Variants in ARL13A observed in about 807,000 individuals in gnomAD.
ARL13A encodes ARF like GTPase 13A, also known as ADP-ribosylation factor-like protein 13A.
Under a neutral mutation model 19.1 loss-of-function variants are expected in ARL13A, and 16 were observed. The ratio of observed to expected loss-of-function variants is 0.84; its 90% CI spans 0.57 to 1.27. The LOEUF (loss-of-function observed/expected upper bound fraction) is 1.27. Ranked by LOEUF, ARL13A falls within the 50% of genes most tolerant of loss-of-function variation. The pLI, the probability that ARL13A is intolerant of heterozygous loss-of-function variation, is 0.00. For synonymous variants in ARL13A, 69 were observed against 71.3 expected, an observed-to-expected ratio of 0.97 and a Z score of 0.17; for missense variants, 153 against 186.4, an observed-to-expected ratio of 0.82 and a Z score of 1.04.
intron 5 of ARL13A, 122 bp downstream of exon 5, chrX:100,987,023 C>T: frequency 2.3e-6 from 1 of 440,958 alleles, no homozygotes; most frequent in Non-Finnish European, 3.9e-6. Context: ...CAGGCAACAC[C>T]CACAGTGATT....
chrX:100,986,011 G>A, intron 4 of ARL13A, 95 bp downstream of exon 4: 2 of 1,024,869 alleles, frequency 2.0e-6, no homozygotes, highest in Non-Finnish European at 2.6e-6. Context: ...GTCACACCCA[G>A]CTAGGCCTCC....
Position 100,985,701 on chromosome X carries a change from G to A in ARL13A, c.165G>A (p.Ser55=), listed in dbSNP as rs758563253. 36 of 1,208,293 alleles carry A rather than the reference G, an allele frequency of 3.0e-5. No homozygotes were observed. The highest frequency in any genetic ancestry group is 7.0e-5 in the African/African-American group (4 of 56,865). Residue 55 remains serine (S), a synonymous_variant, in exon 4 of 8, where the codon TCG becomes TCA. Coordinates refer to ENST00000450049, the MANE Select transcript of ARL13A (RefSeq NM_001162491.2). ...GTAAGACAGACCATTGCATGAAATC[G>A]GAACTGACTACACTTTTGTTAGATG... is the stretch of plus-strand genomic sequence containing the variant. ...LPSKTDHCMK[S]ELTTLLLDEY...
At chrX:100,987,091 G>A (rs888726573) in intron 5 of ARL13A, among the ~76,000 whole-genome samples, 190 bp downstream of exon 5, 13 of 111,483 alleles carry the variant, frequency 1.2e-4, no homozygotes, top group African/African-American at 4.2e-4. Context: ...TTCTGTAAAG[G>A]GGACACATGA....
chrX:100,990,355 CAG>C, intron 7 of ARL13A: 1 of 926,704 alleles, frequency 1.1e-6, no homozygotes, highest in Non-Finnish European at 1.3e-6. Flanking sequence ...AAGAAAGTAA[CAG>C]AGAAAGTAAA....
chrX:100,985,626 C>T (rs1318286847), intron 3 of ARL13A, 41 bp from the exon 4 acceptor site: 6 of 1,176,294 alleles, frequency 5.1e-6, no homozygotes, highest in South Asian at 2.0e-5. Context: ...TATGGAGTTT[C>T]GATCTAAGTG....
intron 3 of ARL13A, among the ~76,000 whole-genome samples, chrX:100,975,947 T>C (rs1159745898): frequency 9.0e-6 from 1 of 111,405 alleles, no homozygotes; most frequent in South Asian, 3.8e-4. Flanking sequence ...TGTTGCCATT[T>C]TCTATAACAA....
At chrX:100,979,437 TTAAGTA>T (rs1193131404) in intron 3 of ARL13A, among the ~76,000 whole-genome samples, 1 of 112,125 alleles carries the variant, frequency 8.9e-6, no homozygotes, top group Admixed American at 9.5e-5. Flanking sequence ...TTGATATACT[TTAAGTA>T]TATCATGCCA....
intron 7 of ARL13A, chrX:100,990,341 G>A: frequency 3.2e-6 from 3 of 923,679 alleles, no homozygotes; most frequent in Non-Finnish European, 4.0e-6. Context: ...AACAGAGAAA[G>A]TAAAAGAAAG....
At chrX:100,976,709 T>G (rs1214564119) in intron 3 of ARL13A, among the ~76,000 whole-genome samples, 2 of 112,450 alleles carry the variant, frequency 1.8e-5, no homozygotes, top group African/African-American at 6.5e-5. Flanking sequence ...GCCTCCTGGA[T>G]TCAACCGATT....
chrX:100,983,626 G>T (rs1458628955), intron 3 of ARL13A, among the ~76,000 whole-genome samples: 1 of 111,448 alleles, frequency 9.0e-6, no homozygotes, highest in African/African-American at 3.3e-5. Flanking sequence ...CAAAGTGCTG[G>T]AATTACAGGT....
chrX:100,982,859 G>A (rs1171808248), intron 3 of ARL13A, among the ~76,000 whole-genome samples: 1 of 110,183 alleles, frequency 9.1e-6, no homozygotes, highest in African/African-American at 3.3e-5. Context: ...ACACAATCAG[G>A]CATGGGTTTC....
chrX:100,985,217 G>T (rs1367848480), intron 3 of ARL13A, among the ~76,000 whole-genome samples: 1 of 112,062 alleles, frequency 8.9e-6, no homozygotes, highest in African/African-American at 3.2e-5. Context: ...AGAAGTAAGG[G>T]CAAAGGAGCC....
At chrX:100,983,204 C>T (rs1319620320) in intron 3 of ARL13A, among the ~76,000 whole-genome samples, 2 of 110,121 alleles carry the variant, frequency 1.8e-5, no homozygotes, top group Non-Finnish European at 3.8e-5. Context: ...GGTTCACCAA[C>T]AATAGAATGC....
At chrX:100,988,898 T>C (rs1043873247) in intron 7 of ARL13A, among the ~76,000 whole-genome samples, 16 of 99,755 alleles carry the variant, frequency 1.6e-4, no homozygotes, top group Non-Finnish European at 2.6e-4. Flanking sequence ...TTTAAAAACA[T>C]GAATACACTA....
chrX:100,970,983 A>G (rs1198726477), intron 1 of ARL13A, among the ~76,000 whole-genome samples: 3 of 112,290 alleles, frequency 2.7e-5, no homozygotes, highest in Admixed American at 9.4e-5. Flanking sequence ...TACCCAAGAG[A>G]AAAGAAAACA....
intron 1 of ARL13A, among the ~76,000 whole-genome samples, chrX:100,972,594 C>G (rs1602433832): frequency 3.6e-5 from 2 of 54,855 alleles, no homozygotes; most frequent in East Asian, 1.3e-3. Context: ...GGGCTCCTCA[C>G]TTCCCAGTAG....
intron 4 of ARL13A, among the ~76,000 whole-genome samples, chrX:100,986,246 C>T (rs184197725): frequency 9.8e-5 from 11 of 112,049 alleles, no homozygotes; most frequent in Admixed American, 8.5e-4. Flanking sequence ...TTTCTGGTTT[C>T]GGTCTCTGAT....
intron 3 of ARL13A, among the ~76,000 whole-genome samples, chrX:100,979,287 C>T (rs2085816871): frequency 8.9e-6 from 1 of 112,046 alleles, no homozygotes; most frequent in Non-Finnish European, 1.9e-5. Flanking sequence ...GAAGTACTCC[C>T]TTTGGCATTT....
chrX:100,975,631 C>CTT (rs375014043), intron 3 of ARL13A, among the ~76,000 whole-genome samples: 3 of 97,925 alleles, frequency 3.1e-5, no homozygotes, highest in Non-Finnish European at 4.1e-5. Flanking sequence ...ATTTTCTTTG[C>CTT]TTTTTTTTTT....
Sources: allele counts gnomAD v4.1 joint callset (sites outside exome capture counted in the v4.1 genomes callset), GRCh38; gene constraint gnomAD v4.1.1; transcripts MANE v1.5; gene names NCBI Gene and HGNC (gene_info 2026-07-23, HGNC 2026-07-21).